The following BCAR3 variants were observed in gnomAD, a reference collection of about 807,000 sequenced individuals.
BCAR3 encodes breast cancer anti-estrogen resistance protein 3.
A neutral mutation model predicts 80.1 loss-of-function variants in BCAR3; 37 were observed. That is an observed-to-expected ratio of 0.46 (90% CI 0.36 to 0.61). BCAR3 has a LOEUF of 0.61. BCAR3 is among the 20% of genes least tolerant of loss of function. The probability of loss-of-function intolerance (pLI) is 0.00; values close to 1 mark genes in which losing one functional copy is unlikely to be tolerated. For synonymous variants in BCAR3, 389 were observed against 418.9 expected (o/e 0.93, Z 0.87); for missense variants, 978 against 1,068.2 (o/e 0.92, Z 1.18).
chr1:93,816,840 T>C (rs186048204), intron 2 of BCAR3, among the ~76,000 whole-genome samples: 191 of 151,962 alleles, frequency 1.3e-3, no homozygotes, highest in Middle Eastern at 3.4e-3. Context: ...AAAATGAAGA[T>C]AGAACAAAAC....
In BCAR3 at chr1:93,817,286, G is replaced by A. The variant is rs115431702; in HGVS notation, c.-63+28281C>T. On this transcript the variant is annotated intron_variant, in intron 2 of 13. Coordinates refer to the BCAR3 transcript ENST00000370244. Reference sequence around the variant, plus strand: ...GGCTGAAGGGGGTCACCCCCAGTGCGGGGGGCAGCAGGCACCATGGTCTGG... The same window carrying A: ...GGCTGAAGGGGGTCACCCCCAGTGCAGGGGGCAGCAGGCACCATGGTCTGG... Among the ~76,000 whole-genome samples the A allele has an allele frequency of 9.7e-3, 1,481 of 152,358 alleles. 14 individuals are homozygous for A. Among genetic ancestry groups the A allele is most frequent in the Middle Eastern group, 0.024 (7 of 294 alleles).
At chr1:93,689,965 A>G (rs114543825) in intron 3 of BCAR3, among the ~76,000 whole-genome samples, 1,675 of 152,342 alleles carry the variant, frequency 0.011, 16 homozygotes, top group South Asian at 0.031. Context: ...TTTCCTGTAC[A>G]TACTAAGATA....
chr1:93,710,334 T>C (rs1649976615), intron 2 of BCAR3, among the ~76,000 whole-genome samples: 1 of 152,200 alleles, frequency 6.6e-6, no homozygotes, highest in Non-Finnish European at 1.5e-5. Flanking sequence ...GCCTTACCCA[T>C]ACCATGCTGG....
At chr1:93,787,708 T>C (rs564590981) in intron 2 of BCAR3, among the ~76,000 whole-genome samples, 22 of 152,368 alleles carry the variant, frequency 1.4e-4, no homozygotes, top group African/African-American at 5.0e-4. Flanking sequence ...CTTAAATTTA[T>C]TGAGAATTGT....
At chr1:93,834,859 T>C (rs933182299) in intron 2 of BCAR3, among the ~76,000 whole-genome samples, 2 of 152,220 alleles carry the variant, frequency 1.3e-5, no homozygotes, top group South Asian at 4.1e-4. Flanking sequence ...ACATTATTCC[T>C]GATACCACAC....
intron 2 of BCAR3, among the ~76,000 whole-genome samples, chr1:93,755,120 G>A (rs1571099696): frequency 1.3e-5 from 2 of 151,918 alleles, no homozygotes; most frequent in East Asian, 1.9e-4. Context: ...ATAGAAAAAA[G>A]CTTAACAAAT....
At chr1:93,669,121 G>A (rs58148926) in intron 2 of BCAR3, among the ~76,000 whole-genome samples, 3,488 of 152,228 alleles carry the variant, frequency 0.023, 139 homozygotes, top group African/African-American at 0.08. Flanking sequence ...AACTGCAGAT[G>A]TTTGCATGTG....
intron 2 of BCAR3, among the ~76,000 whole-genome samples, chr1:93,774,747 A>G (rs1358838170): frequency 6.6e-6 from 1 of 152,208 alleles, no homozygotes; most frequent in African/African-American, 2.4e-5. Flanking sequence ...CATTTTCTAT[A>G]GCTTTCTATC....
chr1:93,571,918 A>G, intron 8 of BCAR3, 77 bp from the exon 9 acceptor site: 2 of 1,498,172 alleles, frequency 1.3e-6, no homozygotes, highest in Non-Finnish European at 1.8e-6. Flanking sequence ...AGCCAAGAGC[A>G]GGGCTGTTTT....
chr1:93,847,745 C>G (rs1055561526), upstream of BCAR3: 1 of 151,626 alleles, frequency 6.6e-6, no homozygotes, highest in African/African-American at 2.4e-5. Flanking sequence ...TTTAACTTCT[C>G]TCTCATTCCC....
At chr1:93,564,341 C>T (rs2101794399) in intron 11 of BCAR3, among the ~76,000 whole-genome samples, 1 of 137,762 alleles carries the variant, frequency 7.3e-6, no homozygotes, top group South Asian at 2.2e-4. Flanking sequence ...GTTGCCCAGG[C>T]TGAAGTGCAA....
In BCAR3 at chr1:93,748,792, G is replaced by A. The variant is rs569066480; in HGVS notation, c.-62-42650C>T. Among the ~76,000 whole-genome samples the A allele has an allele frequency of 3.3e-5, 5 of 152,234 alleles. No individual in the cohort carries two copies. In the South Asian group the frequency reaches 1.0e-3, roughly 32 times the overall value. On this transcript the variant is annotated intron_variant, in intron 2 of 13. Coordinates refer to the BCAR3 transcript ENST00000370244. ...CTCTATTCTTGCTTGACATAATGTT[G>A]TATACAAACCTGGCTTGTTCATTGT... is the stretch of plus-strand genomic sequence containing the variant.
chr1:93,584,438 A>T (rs1198912509), intron 5 of BCAR3, among the ~76,000 whole-genome samples: 1 of 152,194 alleles, frequency 6.6e-6, no homozygotes, highest in East Asian at 1.9e-4. Flanking sequence ...TACTCCCGGG[A>T]AAATCTGATG....
intron 2 of BCAR3, among the ~76,000 whole-genome samples, chr1:93,661,644 C>T (rs1472396380): frequency 6.6e-6 from 1 of 152,078 alleles, no homozygotes; most frequent in African/African-American, 2.4e-5. Flanking sequence ...TGTATCACCA[C>T]ACCCGGCTAA....
chr1:93,805,990 A>C (rs889945403), intron 2 of BCAR3, among the ~76,000 whole-genome samples: 1 of 152,270 alleles, frequency 6.6e-6, no homozygotes, highest in East Asian at 1.9e-4. Flanking sequence ...AGGTTAAATA[A>C]TGAAATTGAA....
chr1:93,743,930 T>C (rs769474376), intron 2 of BCAR3, among the ~76,000 whole-genome samples: 5 of 152,264 alleles, frequency 3.3e-5, no homozygotes, highest in Middle Eastern at 3.4e-3. Context: ...CATAAAAGGA[T>C]GCTAGGGAAG....
chr1:93,635,848 C>T (rs1322030406), intron 3 of BCAR3, among the ~76,000 whole-genome samples: 1 of 152,180 alleles, frequency 6.6e-6, no homozygotes, highest in African/African-American at 2.4e-5. Context: ...TGTGAGCTGG[C>T]TAATTCAGAG....
chr1:93,739,602 G>A lies in BCAR3; in HGVS notation c.-62-33460C>T, dbSNP rs530535236. Among the ~76,000 whole-genome samples, 3 of 152,318 alleles carry A rather than the reference G, an allele frequency of 2.0e-5. No individual in the cohort carries two copies. The South Asian group carries it at 6.2e-4, about 32-fold the overall frequency. On this transcript the variant is annotated intron_variant, in intron 2 of 13. Coordinates refer to the BCAR3 transcript ENST00000370244. ...TCCCACAGCTGGTTTAATGCTCTGC[G>A]ATTGTCATCTTGCAATTCTTAATAA...
intron 2 of BCAR3, among the ~76,000 whole-genome samples, chr1:93,721,819 G>C (rs544735702): frequency 6.6e-6 from 1 of 152,306 alleles, no homozygotes; most frequent in East Asian, 1.9e-4. Context: ...GGGTTCCTCA[G>C]GTCCGAATTC....
Sources: allele counts gnomAD v4.1 joint callset (sites outside exome capture counted in the v4.1 genomes callset), GRCh38; gene constraint gnomAD v4.1.1; transcripts MANE v1.5; gene names NCBI Gene and HGNC (gene_info 2026-07-23, HGNC 2026-07-21).